The following AKT3 variants were observed in gnomAD, a reference collection of about 807,000 sequenced individuals.
AKT3 encodes the protein AKT serine/threonine kinase 3, also known as RAC-gamma serine/threonine-protein kinase.
A neutral mutation model predicts 65.3 loss-of-function variants in AKT3; 15 were observed. That is an observed-to-expected ratio of 0.23 (90% CI 0.15 to 0.35). The LOEUF is 0.35. AKT3 is among the 10% of genes least tolerant of loss of function. The pLI is 1.00. For missense variants in AKT3, 243 were observed against 576.5 expected, an observed-to-expected ratio of 0.42 and a Z score of 5.92; for synonymous variants, 206 against 183.8, an observed-to-expected ratio of 1.12 and a Z score of -0.98.
At chr1:243,656,517 G>A (rs1028943527) in intron 4 of AKT3, among the ~76,000 whole-genome samples, 80 of 152,196 alleles carry the variant, frequency 5.3e-4, no homozygotes, top group African/African-American at 1.9e-3. Context: ...AGTTTGTGAT[G>A]GGGACCCAAA....
chr1:243,579,279 T>C (rs1675165809), intron 8 of AKT3, among the ~76,000 whole-genome samples: 2 of 152,154 alleles, frequency 1.3e-5, no homozygotes, highest in South Asian at 4.1e-4. Context: ...GAATCATTCA[T>C]AGAAAGGATA....
intron 2 of AKT3, among the ~76,000 whole-genome samples, chr1:243,798,499 C>CA (rs1235302140): frequency 6.6e-6 from 1 of 150,840 alleles, no homozygotes; most frequent in Non-Finnish European, 1.5e-5. Context: ...CTCAGCCTCC[C>CA]AAAGTGCTGG....
chr1:243,839,659 C>A (rs1695115024), intron 2 of AKT3, among the ~76,000 whole-genome samples: 1 of 151,918 alleles, frequency 6.6e-6, no homozygotes, highest in Non-Finnish European at 1.5e-5. Context: ...ATCTTTCAGC[C>A]CTTTTTTTAT....
chr1:243,796,027 C>A (rs1428090227), intron 2 of AKT3, among the ~76,000 whole-genome samples: 2 of 152,132 alleles, frequency 1.3e-5, no homozygotes, highest in African/African-American at 2.4e-5. Flanking sequence ...TCTGGTGCCT[C>A]CAAATGCTGA....
At chr1:243,843,844 GT>G (rs35835614) in intron 1 of AKT3, among the ~76,000 whole-genome samples, 32,452 of 151,510 alleles carry the variant, frequency 0.21, 3,697 homozygotes, top group East Asian at 0.32. Flanking sequence ...TAGAAACGGG[GT>G]TTCACCATAT....
intron 2 of AKT3, among the ~76,000 whole-genome samples, chr1:243,700,384 T>C (rs1025907673): frequency 1.3e-5 from 2 of 152,200 alleles, no homozygotes; most frequent in African/African-American, 4.8e-5. Context: ...CTTAATAACT[T>C]ATTCCCTGTA....
intron 8 of AKT3, among the ~76,000 whole-genome samples, chr1:243,582,881 G>T (rs1675480899): frequency 6.6e-6 from 1 of 151,552 alleles, no homozygotes; most frequent in Non-Finnish European, 1.5e-5. Context: ...TATATATAAT[G>T]ACACCTATAG....
At chr1:243,700,360 CCTTT>C (rs1685366871) in intron 2 of AKT3, among the ~76,000 whole-genome samples, 1 of 152,164 alleles carries the variant, frequency 6.6e-6, no homozygotes, top group African/African-American at 2.4e-5. Context: ...ACCTTTGCCA[CCTTT>C]CTTACTTCAC....
chr1:243,763,662 GTAAA>G (rs201756183), intron 2 of AKT3, among the ~76,000 whole-genome samples: 1,843 of 152,164 alleles, frequency 0.012, 15 homozygotes, highest in Non-Finnish European at 0.018. Context: ...AAAAAGTTTA[GTAAA>G]TAAATTTGGG....
intron 4 of AKT3, among the ~76,000 whole-genome samples, chr1:243,661,155 G>C (rs999486737): frequency 8.5e-5 from 13 of 152,140 alleles, no homozygotes; most frequent in Admixed American, 6.5e-5. Context: ...CAGATTCAAT[G>C]CCATCCCCAT....
chr1:243,568,406 T>G (rs1382909784), intron 9 of AKT3, among the ~76,000 whole-genome samples: 2 of 151,912 alleles, frequency 1.3e-5, no homozygotes, highest in East Asian at 3.9e-4. Flanking sequence ...ATCAGAGGGT[T>G]GTTATCTAAA....
intron 2 of AKT3, among the ~76,000 whole-genome samples, chr1:243,707,696 T>C (rs1685889590): frequency 6.6e-6 from 1 of 152,110 alleles, no homozygotes; most frequent in South Asian, 2.1e-4. Flanking sequence ...TATTTTGACA[T>C]CAGGCCTTCC....
At chr1:243,594,487 T>C (rs890277272) in intron 8 of AKT3, among the ~76,000 whole-genome samples, 2 of 152,190 alleles carry the variant, frequency 1.3e-5, no homozygotes, top group African/African-American at 4.8e-5. Context: ...AAGCAACAAT[T>C]ATCAAGTTAG....
chr1:243,693,210 G>C (rs1684813192), intron 3 of AKT3, among the ~76,000 whole-genome samples: 1 of 114,606 alleles, frequency 8.7e-6, no homozygotes, highest in Non-Finnish European at 1.8e-5. Context: ...AGAAAAATGA[G>C]GGATATATAT....
At chr1:243,673,611 A>AT (rs11386712) in intron 3 of AKT3, among the ~76,000 whole-genome samples, 69,563 of 124,138 alleles carry the variant, frequency 0.56, 22,188 homozygotes, top group Non-Finnish European at 0.71. Context: ...TAATTATGAG[A>AT]TTTTTTTTTT....
At chr1:243,599,796 C>T (rs564814659) in intron 8 of AKT3, among the ~76,000 whole-genome samples, 2 of 152,180 alleles carry the variant, frequency 1.3e-5, no homozygotes, top group South Asian at 4.1e-4. Context: ...TGCTCTTATC[C>T]TGCTCTTTAA....
At chr1:243,740,578 T>C (rs1688091165) in intron 2 of AKT3, 1 of 152,226 alleles carries the variant, frequency 6.6e-6, no homozygotes, top group Non-Finnish European at 1.5e-5. Flanking sequence ...TTTTTCTAAA[T>C]AAAGTTTTAT....
Position 243,646,019 on chromosome 1 carries a change from A to C in AKT3, c.303T>G (p.Ala101=). The C allele has an allele frequency of 1.9e-6, 3 of 1,609,654 alleles. No homozygotes were observed. The highest frequency in any genetic ancestry group is 2.5e-6 in the Non-Finnish European group (3 of 1,178,436). Reference sequence around the variant, plus strand: ...GCAGTCTGTCTGCTACAGCCTGGATAGCTTCTGTCCATTCTTCCCTATAAA... The same window carrying C: ...GCAGTCTGTCTGCTACAGCCTGGATCGCTTCTGTCCATTCTTCCCTATAAA... ...TPEEREEWTE[A]IQAVADRLQR... The change falls in exon 5 of 14, where the codon GCT becomes GCG. Residue 101 remains alanine (A), a synonymous_variant. Coordinates refer to ENST00000673466, the MANE Select transcript of AKT3 (RefSeq NM_005465.7).
chr1:243,680,073 T>C lies in AKT3; in HGVS notation c.173-15190A>G, dbSNP rs1683810294. Among the ~76,000 whole-genome samples the C allele has an allele frequency of 3.3e-5, 5 of 152,200 alleles. No individual in the cohort carries two copies. The South Asian group carries it at 1.0e-3, about 31-fold the overall frequency. ...TGCTTTTGGAAGCAATAACTGTTGC[T>C]GGTTGGATGATTCAGTTATCATGAA... is the stretch of plus-strand genomic sequence containing the variant. On this transcript the variant is annotated intron_variant, in intron 3 of 13. Transcript: ENST00000673466.
Sources: gnomAD v4.1 joint callset for allele counts (sites outside exome capture counted in the v4.1 genomes callset) on GRCh38, gnomAD v4.1.1 for gene constraint, MANE v1.5 for transcripts, NCBI Gene and HGNC (gene_info 2026-07-23, HGNC 2026-07-21) for gene names.